The following SLCO4A1 variants were observed in gnomAD, a reference collection of about 807,000 sequenced individuals.
The protein encoded by SLCO4A1 is colon organic anion transporter.
Under a neutral mutation model 64.6 loss-of-function variants are expected in SLCO4A1, and 51 were observed. That is an observed-to-expected ratio of 0.79 (90% CI 0.63 to 1.00). The LOEUF (loss-of-function observed/expected upper bound fraction) is 1.00. Among genes scored for constraint, SLCO4A1 ranks in the 50% least tolerant of loss-of-function variants. The pLI, the probability that SLCO4A1 is intolerant of heterozygous loss-of-function variation, is 0.00. For synonymous variants in SLCO4A1, 471 were observed against 444.9 expected (o/e 1.06, Z -0.74); for missense variants, 919 against 980.5 (o/e 0.94, Z 0.84).
rs1412338240 is a variant in SLCO4A1, at chr20:62,644,671, C to T, written c.-97+2118C>T. On this transcript the variant is annotated intron_variant, in intron 1 of 11. Coordinates refer to ENST00000217159, the MANE Select transcript of SLCO4A1 (RefSeq NM_016354.4). This position sits in a 1 kb window ranked among gnomAD's most constrained non-coding sequence, Gnocchi z 5.4. Reference sequence around the variant, plus strand: ...ATTGTAGAATGAAAAGTTAACTCATCGAGCTTAGTATTGTGCCTACAAGGT... The same window carrying T: ...ATTGTAGAATGAAAAGTTAACTCATTGAGCTTAGTATTGTGCCTACAAGGT... Among the ~76,000 whole-genome samples the T allele has an allele frequency of 2.0e-5, 3 of 152,224 alleles. No homozygotes were observed. The highest frequency in any genetic ancestry group is 2.1e-4 in the South Asian group (1 of 4,832).
intron 4 of SLCO4A1, 64 bp from the exon 5 acceptor site, chr20:62,661,000 C>T: frequency 9.0e-7 from 1 of 1,112,634 alleles, no homozygotes; most frequent in South Asian, 1.4e-5. Context: ...CAGAGCCTCT[C>T]TCGGAGAAGT....
rs140085546 is a variant in SLCO4A1, at chr20:62,652,985, C to T, written c.-96-3374C>T. On this transcript the variant is annotated intron_variant, in intron 1 of 11. Coordinates refer to ENST00000217159, the MANE Select transcript of SLCO4A1 (RefSeq NM_016354.4). ...GGGGCTGCATCCTCATTGCCACCGG[C>T]GGGCTGTGTGGCCTCGAGCAAATGA... is the stretch of plus-strand genomic sequence containing the variant. Among the ~76,000 whole-genome samples the T allele has an allele frequency of 1.7e-4, 26 of 152,318 alleles. No homozygotes were observed. The East Asian group carries it at 3.1e-3, about 18-fold the overall frequency.
chr20:62,684,591 TC>T (rs1305591064), intron 2 of SLCO4A1, among the ~76,000 whole-genome samples: 2 of 152,080 alleles, frequency 1.3e-5, no homozygotes, highest in African/African-American at 2.4e-5. Context: ...ACCAGTTCAG[TC>T]CCTAGGGAGG....
At chr20:62,647,627 T>G (rs1281954620) in intron 1 of SLCO4A1, among the ~76,000 whole-genome samples, 1 of 152,260 alleles carries the variant, frequency 6.6e-6, no homozygotes, top group East Asian at 1.9e-4. Context: ...TTCTCAGAGA[T>G]CCTGCGTCCT....
intron 3 of SLCO4A1, among the ~76,000 whole-genome samples, chr20:62,659,826 G>A (rs1984434514): frequency 1.3e-5 from 2 of 152,222 alleles, no homozygotes; most frequent in South Asian, 4.1e-4. Flanking sequence ...ACACATCCCC[G>A]AAAGCCCAGA....
downstream of SLCO4A1, among the ~76,000 whole-genome samples, chr20:62,687,199 G>A (rs1010669351): frequency 4.0e-5 from 6 of 150,914 alleles, no homozygotes; most frequent in Non-Finnish European, 8.9e-5. Flanking sequence ...CGATGGAAAG[G>A]GCACCCCCAA....
chr20:62,677,870 A>G (rs1987665406), intron 2 of SLCO4A1, among the ~76,000 whole-genome samples: 1 of 152,218 alleles, frequency 6.6e-6, no homozygotes, highest in Non-Finnish European at 1.5e-5. Context: ...GTCCGCCGTG[A>G]TGGGGGTGCC....
At chr20:62,647,093 G>A (rs1981485512) in intron 1 of SLCO4A1, among the ~76,000 whole-genome samples, 1 of 152,250 alleles carries the variant, frequency 6.6e-6, no homozygotes, top group South Asian at 2.1e-4. Flanking sequence ...TATGCAAATT[G>A]GGGTGTACCA....
Position 62,667,736 on chromosome 20 carries a change from C to G in SLCO4A1, c.1473-9C>G, listed in dbSNP as rs112985668. On this transcript the variant is annotated splice_polypyrimidine_tract_variant and intron_variant, in intron 7 of 11. Coordinates refer to ENST00000217159, the MANE Select transcript of SLCO4A1 (RefSeq NM_016354.4). ...TGGACCCTACCACTCGCTTGTCCCC[C>G]CTCTGCAGCCTCCTGCCCGAAGGCC... 2.1e-5 allele frequency: 34 copies of G among 1,604,230 alleles called. No homozygotes were observed. The East Asian group carries it at 3.4e-4, about 16-fold the overall frequency.
At position 62,685,468 on chromosome 20, in the gene SLCO4A1, T is replaced by C; in HGVS notation, n.239T>C. 1.0e-6 allele frequency: 1 copy of C among 984,386 alleles called. No homozygotes were observed. The highest frequency in any genetic ancestry group is 1.2e-6 in the Non-Finnish European group (1 of 828,952). 61.0% of individuals were successfully genotyped at this position (984,386 alleles called of 1,614,324 possible). ...AGAAGAGAATGAATTTAGAAGGCTG[T>C]AAACCCCATCTGAGCCTTACACATA... On this transcript the variant is annotated non_coding_transcript_exon_variant, in exon 3 of 3. Coordinates refer to the SLCO4A1 transcript ENST00000466818. This position sits in a 1 kb window ranked among gnomAD's most constrained non-coding sequence, Gnocchi z 4.6.
At position 62,660,499 on chromosome 20, in the gene SLCO4A1, C is replaced by T. The variant is rs572345402; in HGVS notation, c.975C>T (p.Ala325=). The part of the protein sequence containing the change: ...LGSGAAAFFT[A]VPILGYPRQL... ...CTGGGGCCGCTGCTTTCTTCACCGC[C>T]GTTCCCATCCTTGGTTACCCTCGGC... Residue 325 remains alanine, a synonymous_variant, in exon 4 of 12, where the codon GCC becomes GCT. Transcript: ENST00000217159. 20 of 1,605,698 alleles carry T rather than the reference C, an allele frequency of 1.2e-5. No individual in the cohort carries two copies. Among genetic ancestry groups the T allele is most frequent in the East Asian group, 2.2e-5 (1 of 44,872 alleles).
At chr20:62,683,559 G>A (rs185122278) in intron 2 of SLCO4A1, among the ~76,000 whole-genome samples, 13 of 152,286 alleles carry the variant, frequency 8.5e-5, no homozygotes, top group Admixed American at 1.3e-4. Flanking sequence ...ACAGGGTCCC[G>A]TACAATATGA....
chr20:62,661,037 G>GCCCCCCCCCCCCCCCCCCCCC lies in SLCO4A1; in HGVS notation c.1010-23_1010-22insCCCCCCCCCCCCCCCCCCCCC. The GCCCCCCCCCCCCCCCCCCCCC allele has an allele frequency of 1.9e-6, 1 of 539,612 alleles. No homozygotes were observed. The highest frequency in any genetic ancestry group is 1.4e-5 in the South Asian group (1 of 69,052). 33.4% of individuals were successfully genotyped at this position (539,612 alleles called of 1,614,324 possible). A position where few individuals can be genotyped will look rare whatever the true frequency, so the allele number is the denominator to read the frequency against. On this transcript the variant is annotated intron_variant, in intron 4 of 11. Transcript: ENST00000217159. This position sits in a 1 kb window ranked among gnomAD's most constrained non-coding sequence, Gnocchi z 5.2. ...CACCTCCGGGAGCCCCCAGCCCCCA[G>GCCCCCCCCCCCCCCCCCCCCC]CCCCAGCTCACTCTGTGCCCTTCCA...
At chr20:62,668,901 G>A (rs771129954) in intron 10 of SLCO4A1, 29 bp from the exon 11 acceptor site, 28 of 1,595,240 alleles carry the variant, frequency 1.8e-5, no homozygotes, top group Non-Finnish European at 2.4e-5. Flanking sequence ...CACCAGGAGT[G>A]TGGGTGCTGA....
chr20:62,681,746 T>C (rs1267984038), intron 2 of SLCO4A1, among the ~76,000 whole-genome samples: 1 of 152,190 alleles, frequency 6.6e-6, no homozygotes, highest in African/African-American at 2.4e-5. Context: ...TTAGAAGAGA[T>C]TGCATAAATT....
intron 11 of SLCO4A1, among the ~76,000 whole-genome samples, chr20:62,670,887 C>T (rs934884018): frequency 6.6e-6 from 1 of 152,262 alleles, no homozygotes; most frequent in South Asian, 2.1e-4. Context: ...AATGCAGGCT[C>T]AGGGCCATCA....
downstream of SLCO4A1, among the ~76,000 whole-genome samples, chr20:62,676,136 C>G (rs904774602): frequency 7.9e-5 from 12 of 152,196 alleles, no homozygotes; most frequent in African/African-American, 2.9e-4. Flanking sequence ...CTGAATTCGG[C>G]CGGCTCGCCA....
chr20:62,665,235 G>T (rs568125050), intron 6 of SLCO4A1, 147 bp downstream of exon 6: 4 of 837,908 alleles, frequency 4.8e-6, no homozygotes, highest in Non-Finnish European at 7.3e-6. Context: ...TGTGGAGAGC[G>T]CCACGGGGGC....
chr20:62,646,707 G>A (rs1186074642), intron 1 of SLCO4A1, among the ~76,000 whole-genome samples: 1 of 152,242 alleles, frequency 6.6e-6, no homozygotes, highest in Non-Finnish European at 1.5e-5. Flanking sequence ...ACGCTCAGTG[G>A]CTCATTCTCA....
Sources: gnomAD v4.1 joint callset for allele counts (sites outside exome capture counted in the v4.1 genomes callset) on GRCh38, gnomAD v4.1.1 for gene constraint, Gnocchi (gnomAD v3.1) non-coding constraint, MANE v1.5 for transcripts, NCBI Gene and HGNC (gene_info 2026-07-23, HGNC 2026-07-21) for gene names.